Variants in CMTM4 observed in about 807,000 individuals in gnomAD.
CMTM4 encodes CKLF like MARVEL transmembrane domain containing 4.
A neutral mutation model predicts 19.0 loss-of-function variants in CMTM4; 8 were observed. That is an observed-to-expected ratio of 0.42 (90% CI 0.25 to 0.76). The LOEUF (loss-of-function observed/expected upper bound fraction) is 0.76, where lower values mean the gene tolerates loss of function less well. Ranked by LOEUF, CMTM4 falls within the 30% of genes least tolerant of loss-of-function variation. The pLI is 0.27. For missense variants in CMTM4, 228 were observed against 290.2 expected (o/e 0.79, Z 1.56); for synonymous variants, 106 against 121.1 (o/e 0.88, Z 0.82).
rs1212583330 is a variant in CMTM4, at chr16:66,618,241, GA to G, written c.*3816del. ...GAATCCACCAGCAGCTCTTGGCCTA[GA>G]AACTTTTTCCCCTTTCTGATACCTG... On this transcript the variant is annotated 3_prime_UTR_variant, in exon 4 of 4. Transcript: ENST00000394106. 1.0e-6 allele frequency: 1 copy of G among 985,324 alleles called. No homozygotes were observed. The highest frequency in any genetic ancestry group is 1.2e-6 in the Non-Finnish European group (1 of 829,946). 61.0% of individuals were successfully genotyped at this position (985,324 alleles called of 1,614,324 possible).
chr16:66,643,081 C>T (rs1432549528), intron 1 of CMTM4, among the ~76,000 whole-genome samples: 3 of 152,024 alleles, frequency 2.0e-5, no homozygotes, highest in Non-Finnish European at 2.9e-5. Flanking sequence ...CCACCAAGGC[C>T]GGCTAATTTT....
At chr16:66,672,149 TG>T (rs1308421652) in intron 1 of CMTM4, among the ~76,000 whole-genome samples, 12 of 152,036 alleles carry the variant, frequency 7.9e-5, no homozygotes, top group Admixed American at 7.9e-4. Context: ...CAGTGCCTCA[TG>T]CCTGAAATCC....
chr16:66,630,512 T>C (rs2015833909), intron 2 of CMTM4, among the ~76,000 whole-genome samples: 4 of 151,942 alleles, frequency 2.6e-5, no homozygotes, highest in African/African-American at 9.6e-5. Context: ...CTGGTTTTCG[T>C]ATTTTTTGGT....
chr16:66,660,896 G>C (rs916580678), intron 1 of CMTM4, among the ~76,000 whole-genome samples: 1 of 152,106 alleles, frequency 6.6e-6, no homozygotes, highest in African/African-American at 2.4e-5. Flanking sequence ...AGGAAGTGCA[G>C]TTTACCGCAC....
At chr16:66,605,180 G>A in the CMTM4 span, 9 of 420,550 alleles carry the variant, frequency 2.1e-5, no homozygotes, top group African/African-American at 1.0e-4. This position sits in a 1 kb window ranked among gnomAD's most constrained non-coding sequence, Gnocchi z 4.6. Context: ...CGCTGTCCCC[G>A]CGAGTCCAGA....
the CMTM4 span, chr16:66,604,592 G>T: frequency 5.7e-6 from 2 of 349,222 alleles, no homozygotes; most frequent in Non-Finnish European, 1.0e-5. Context: ...GGGAGGGGGC[G>T]GGTCGGGCCC....
intron 1 of CMTM4, among the ~76,000 whole-genome samples, chr16:66,642,504 A>T (rs1405268595): frequency 2.0e-5 from 3 of 152,142 alleles, no homozygotes; most frequent in Admixed American, 6.5e-5. Flanking sequence ...ACTTGAGGCC[A>T]GGAATTCCAG....
rs1484886530 is a variant in CMTM4 at position 66,644,501 on chromosome 16, T to C, written c.187-7920A>G. Among the ~76,000 whole-genome samples the C allele has an allele frequency of 2.6e-5, 4 of 152,248 alleles. No homozygotes were observed. In the East Asian group the frequency reaches 7.7e-4, roughly 29 times the overall value. On this transcript the variant is annotated intron_variant, in intron 1 of 3. Coordinates refer to ENST00000394106, the MANE Select transcript of CMTM4 (RefSeq NM_181521.3). The stretch of plus-strand genomic sequence containing the variant: ...AAATTTGTAATTTATTGTTTCCTGT[T>C]GGATGTCAAAAGAAGGCCCCCCCTT...
At chr16:66,657,548 C>CAG (rs918197255) in intron 1 of CMTM4, among the ~76,000 whole-genome samples, 6 of 151,846 alleles carry the variant, frequency 4.0e-5, no homozygotes, top group African/African-American at 1.4e-4. Flanking sequence ...TATAAACACA[C>CAG]AGAGAGAGAG....
intron 2 of CMTM4, among the ~76,000 whole-genome samples, chr16:66,629,014 GTTTTGT>G (rs1255519319): frequency 6.6e-6 from 1 of 151,584 alleles, no homozygotes; most frequent in East Asian, 1.9e-4. Context: ...TTTTTTTGTT[GTTTTGT>G]TTTGTTTTGT....
At chr16:66,675,242 G>A (rs1186386837) in intron 1 of CMTM4, among the ~76,000 whole-genome samples, 10 of 150,534 alleles carry the variant, frequency 6.6e-5, no homozygotes, top group Admixed American at 2.0e-4. Flanking sequence ...CAACATGCCC[G>A]GCTAATTTTT....
At chr16:66,686,991 C>T (rs1338461814) in intron 1 of CMTM4, among the ~76,000 whole-genome samples, 1 of 152,142 alleles carries the variant, frequency 6.6e-6, no homozygotes, top group Non-Finnish European at 1.5e-5. Context: ...TTGAGTCTGT[C>T]ATAATACGAT....
the CMTM4 span, among the ~76,000 whole-genome samples, chr16:66,607,655 G>A: frequency 2.6e-5 from 4 of 152,190 alleles, no homozygotes; most frequent in East Asian, 1.9e-4. Flanking sequence ...TTACTTTTTG[G>A]AAACTGGTTC....
At chr16:66,649,727 C>A (rs185568191) in intron 1 of CMTM4, among the ~76,000 whole-genome samples, 16 of 152,250 alleles carry the variant, frequency 1.1e-4, no homozygotes, top group African/African-American at 3.1e-4. Flanking sequence ...AGGTCCAGAG[C>A]CCGACTCCCT....
In CMTM4 at chr16:66,636,583, T is replaced by C. The variant is rs771203635; in HGVS notation, c.187-2A>G. On this transcript the variant is annotated splice_acceptor_variant, in intron 1 of 3. Transcript: ENST00000394106. LOFTEE classifies it high-confidence loss of function. Reference sequence around the variant, plus strand: ...GATGAATGCAATCAGGGCCAAGATCTAGGAAGAAAATTGGAAACATATATG... The same window carrying C: ...GATGAATGCAATCAGGGCCAAGATCCAGGAAGAAAATTGGAAACATATATG... The C allele has an allele frequency of 5.0e-6, 8 of 1,613,160 alleles. No individual in the cohort carries two copies. The highest frequency in any genetic ancestry group is 6.8e-6 in the Non-Finnish European group (8 of 1,179,376).
chr16:66,686,683 G>C (rs142982111), intron 1 of CMTM4, among the ~76,000 whole-genome samples: 1 of 151,858 alleles, frequency 6.6e-6, no homozygotes, highest in Non-Finnish European at 1.5e-5. Flanking sequence ...AAGCATACTA[G>C]AAACCTGGAA....
chr16:66,609,321 T>C, the CMTM4 span: 4 of 863,296 alleles, frequency 4.6e-6, no homozygotes, highest in Non-Finnish European at 7.3e-6. This position sits in a 1 kb window ranked among gnomAD's most constrained non-coding sequence, Gnocchi z 4.4. Flanking sequence ...CAGGATGGGA[T>C]AGGAGCCCTC....
chr16:66,622,013 A>G lies in CMTM4; in HGVS notation c.*45T>C. ...GGACAAGGGAAAGAAAACTTGACTG[A>G]GAGACAGGCACGAGGACGGGAGGGA... On this transcript the variant is annotated 3_prime_UTR_variant, in exon 4 of 4. Transcript: ENST00000394106. The surrounding 1 kb of genome is among the most constrained non-coding windows in gnomAD (Gnocchi z 4.0). 6.5e-7 allele frequency: 1 copy of G among 1,527,558 alleles called. No individual in the cohort carries two copies. The highest frequency in any genetic ancestry group is 8.9e-7 in the Non-Finnish European group (1 of 1,129,754). 94.6% of individuals were successfully genotyped at this position (1,527,558 alleles called of 1,614,324 possible).
At chr16:66,627,337 C>T (rs1347491303) in intron 2 of CMTM4, among the ~76,000 whole-genome samples, 2 of 152,212 alleles carry the variant, frequency 1.3e-5, no homozygotes, top group Non-Finnish European at 2.9e-5. Context: ...AACACACATG[C>T]ATACGCAAAA....
Sources: allele counts gnomAD v4.1 joint callset (sites outside exome capture counted in the v4.1 genomes callset), GRCh38; gene constraint gnomAD v4.1.1; non-coding constraint Gnocchi (gnomAD v3.1); transcripts MANE v1.5; gene names NCBI Gene and HGNC (gene_info 2026-07-23, HGNC 2026-07-21).